Variants in STX2 observed in about 807,000 individuals in gnomAD.
The protein encoded by STX2 is syntaxin 2.
A neutral mutation model predicts 40.6 loss-of-function variants in STX2; 27 were observed. The observed-to-expected ratio is 0.66, with a 90% CI of 0.49 to 0.92. The LOEUF (loss-of-function observed/expected upper bound fraction) is 0.92. STX2 is among the 40% of genes least tolerant of loss of function. The probability of loss-of-function intolerance (pLI) is 0.00; values close to 1 mark genes in which losing one functional copy is unlikely to be tolerated. For missense variants in STX2, 328 were observed against 366.1 expected, an observed-to-expected ratio of 0.90 and a Z score of 0.85; for synonymous variants, 123 against 119.1, an observed-to-expected ratio of 1.03 and a Z score of -0.22.
intron 1 of STX2, among the ~76,000 whole-genome samples, chr12:130,828,937 T>C (rs73457330): frequency 0.026 from 3,917 of 150,802 alleles, 158 homozygotes; most frequent in African/African-American, 0.084. Context: ...GAAACTAACA[T>C]TAAGATAGAC....
In STX2 at chr12:130,791,957, A is replaced by G. The variant is rs1344341821; in HGVS notation, c.*66T>C. 1 of 1,607,848 alleles carries G rather than the reference A, an allele frequency of 6.2e-7. No individual in the cohort carries two copies. Among genetic ancestry groups the G allele is most frequent in the East Asian group, 2.2e-5 (1 of 44,688 alleles). On this transcript the variant is annotated 3_prime_UTR_variant, in exon 11 of 11. Coordinates refer to ENST00000392373, the MANE Select transcript of STX2 (RefSeq NM_194356.4). ...GGATCACAAGCAAAACAATTACACAAATAATAATGAACATCAATTTCTGCA... is the reference window on the plus strand; with the variant it reads ...GGATCACAAGCAAAACAATTACACAGATAATAATGAACATCAATTTCTGCA...
chr12:130,820,154 GA>G (rs1221286520), intron 3 of STX2, among the ~76,000 whole-genome samples: 1 of 152,100 alleles, frequency 6.6e-6, no homozygotes, highest in African/African-American at 2.4e-5. Context: ...TACTGTACTG[GA>G]GGTCAGCTAA....
chr12:130,834,686 T>C (rs750988341), intron 1 of STX2, among the ~76,000 whole-genome samples: 19 of 152,244 alleles, frequency 1.2e-4, no homozygotes, highest in Non-Finnish European at 2.2e-4. Context: ...AAACCTATTA[T>C]AATTAAGAAT....
At chr12:130,802,261 C>T (rs1951258182) in intron 6 of STX2, among the ~76,000 whole-genome samples, 1 of 152,100 alleles carries the variant, frequency 6.6e-6, no homozygotes, top group South Asian at 2.1e-4. Context: ...GCAGGGGCAC[C>T]GTCGCAGCTC....
intron 1 of STX2, among the ~76,000 whole-genome samples, chr12:130,829,960 C>T (rs572073696): frequency 6.6e-6 from 1 of 152,230 alleles, no homozygotes; most frequent in African/African-American, 2.4e-5. Context: ...CATCTCACAC[C>T]TCCCTGCTCT....
chr12:130,805,901 G>A (rs551087522), intron 6 of STX2, among the ~76,000 whole-genome samples: 1 of 152,300 alleles, frequency 6.6e-6, no homozygotes, highest in East Asian at 1.9e-4. Flanking sequence ...CAACCAACCA[G>A]AGCAGACAGG....
intron 1 of STX2, 121 bp downstream of exon 1, chr12:130,838,949 C>A: frequency 9.7e-7 from 1 of 1,027,280 alleles, no homozygotes; most frequent in Non-Finnish European, 1.2e-6. Flanking sequence ...CGCCCCAGAA[C>A]GCCGGAGATC....
rs769781401 is a variant in STX2, at chr12:130,789,778, T to G, written c.*2245A>C. The G allele has an allele frequency of 6.6e-6, 1 of 152,664 alleles. No homozygotes were observed. The highest frequency in any genetic ancestry group is 1.5e-5 in the Non-Finnish European group (1 of 68,040). The allele number at this position is 152,664 out of a possible 1,614,324, so 9.5% of individuals were successfully genotyped here. The stretch of plus-strand genomic sequence containing the variant: ...TCAAGTGAATCTGTAAATACATTTT[T>G]AAGTCTGACTTCAAATCGGTACATG... On this transcript the variant is annotated 3_prime_UTR_variant, in exon 11 of 11. Transcript: ENST00000392373.
intron 10 of STX2, among the ~76,000 whole-genome samples, 177 bp from the exon 11 acceptor site, chr12:130,792,154 G>C (rs781583475): frequency 6.6e-6 from 1 of 152,134 alleles, no homozygotes; most frequent in African/African-American, 2.4e-5. Flanking sequence ...TCTGCCTTCC[G>C]GGTTCAAGTG....
At chr12:130,801,033 T>A in intron 8 of STX2, 120 bp downstream of exon 8, 1 of 1,195,826 alleles carries the variant, frequency 8.4e-7, no homozygotes, top group Non-Finnish European at 1.1e-6. Context: ...GCAATTAACC[T>A]GAATTTGGTG....
intron 6 of STX2, among the ~76,000 whole-genome samples, chr12:130,802,638 T>C (rs542003622): frequency 2.2e-4 from 33 of 152,328 alleles, no homozygotes; most frequent in African/African-American, 7.7e-4. Context: ...ACTGTGATTA[T>C]AGGCACACAC....
At chr12:130,838,982 A>C (rs919562733) in intron 1 of STX2, 88 bp downstream of exon 1, 96 of 424,922 alleles carry the variant, frequency 2.3e-4, no homozygotes, top group Middle Eastern at 9.7e-4. Flanking sequence ...ACCCTCCCGG[A>C]GCCCCGCCCA....
chr12:130,808,529 T>C, intron 5 of STX2, 102 bp downstream of exon 5: 1 of 1,016,856 alleles, frequency 9.8e-7, no homozygotes, highest in Non-Finnish European at 1.5e-6. Flanking sequence ...ACTATGAGGA[T>C]AAGCATGACA....
intron 1 of STX2, among the ~76,000 whole-genome samples, chr12:130,828,094 C>T (rs1174945193): frequency 1.3e-5 from 2 of 152,136 alleles, no homozygotes; most frequent in Non-Finnish European, 2.9e-5. Flanking sequence ...ATAGTATTGT[C>T]CCATCTCCAT....
At chr12:130,821,470 C>T (rs149488461) in intron 3 of STX2, among the ~76,000 whole-genome samples, 125 of 152,272 alleles carry the variant, frequency 8.2e-4, no homozygotes, top group African/African-American at 2.9e-3. Flanking sequence ...GGGCCTCACC[C>T]TGGCTGACCA....
At chr12:130,813,996 C>T (rs897046610) in intron 3 of STX2, among the ~76,000 whole-genome samples, 1 of 152,218 alleles carries the variant, frequency 6.6e-6, no homozygotes, top group Non-Finnish European at 1.5e-5. Flanking sequence ...GATGCCCACT[C>T]TCTTCCTGAC....
intron 5 of STX2, among the ~76,000 whole-genome samples, chr12:130,808,290 G>A (rs1951517627): frequency 6.6e-6 from 1 of 151,996 alleles, no homozygotes; most frequent in African/African-American, 2.4e-5. Flanking sequence ...CCACCCCGCT[G>A]CCTACCCCCA....
chr12:130,798,456 A>G, intron 9 of STX2, 69 bp downstream of exon 9: 1 of 1,063,586 alleles, frequency 9.4e-7, no homozygotes, highest in Middle Eastern at 2.1e-4. Context: ...GCAGGCTTAC[A>G]TCAATGTATT....
chr12:130,813,600 G>A (rs1309636882), intron 3 of STX2, among the ~76,000 whole-genome samples: 1 of 152,172 alleles, frequency 6.6e-6, no homozygotes, highest in Non-Finnish European at 1.5e-5. Context: ...GCAGGGGCCG[G>A]CCTCCTAACA....
Sources: allele counts gnomAD v4.1 joint callset (sites outside exome capture counted in the v4.1 genomes callset), GRCh38; gene constraint gnomAD v4.1.1; transcripts MANE v1.5; gene names NCBI Gene and HGNC (gene_info 2026-07-23, HGNC 2026-07-21).